Variants in KCNH5 observed in about 807,000 individuals in gnomAD.
The protein encoded by KCNH5 is voltage-gated delayed rectifier potassium channel KCNH5.
KCNH5 carries 46 observed loss-of-function variants against 96.1 expected under a neutral mutation model. The observed-to-expected ratio is 0.48, with a 90% confidence interval of 0.38 to 0.61. The LOEUF (loss-of-function observed/expected upper bound fraction) is 0.61. Ranked by LOEUF, KCNH5 falls within the 20% of genes least tolerant of loss-of-function variation. The pLI, the probability that KCNH5 is intolerant of heterozygous loss-of-function variation, is 0.00. For missense variants in KCNH5, 907 were observed against 1,225.8 expected, an observed-to-expected ratio of 0.74 and a Z score of 3.88; for synonymous variants, 439 against 449.8, an observed-to-expected ratio of 0.98 and a Z score of 0.30.
intron 7 of KCNH5, among the ~76,000 whole-genome samples, chr14:62,868,852 C>A (rs529452835): frequency 6.6e-6 from 1 of 152,292 alleles, no homozygotes; most frequent in African/African-American, 2.4e-5. Flanking sequence ...CATGTCCCTG[C>A]AAAGGACATG....
intron 6 of KCNH5, among the ~76,000 whole-genome samples, chr14:62,964,972 TG>T (rs1890278299): frequency 6.6e-6 from 1 of 152,174 alleles, no homozygotes; most frequent in South Asian, 2.1e-4. Context: ...AACAAATGTC[TG>T]GTGCAATTTC....
chr14:62,949,141 T>C (rs1889951467), intron 7 of KCNH5, among the ~76,000 whole-genome samples: 2 of 152,054 alleles, frequency 1.3e-5, no homozygotes, highest in Admixed American at 6.6e-5. Context: ...TTCAACATAG[T>C]GTTGGAAGTT....
rs200506671 is a variant in KCNH5, at chr14:62,950,163, T to C, written c.1339A>G (p.Met447Val). The change falls in exon 7 of 11, where the codon ATG (methionine) becomes GTG (valine). Residue 447 changes from methionine (M) to valine (V), a missense_variant. Met to Val is a conservative substitution (Grantham distance 21, BLOSUM62 1). Coordinates refer to ENST00000322893, the MANE Select transcript of KCNH5 (RefSeq NM_139318.5). ...NIAPTTDVEK[M>V]FSVAMMMVGS... ...ACCATCATCATAGCCACCGAAAACA[T>C]CTTCTCCACATCTGTGGTAGGAGCT... The C allele has an allele frequency of 8.2e-5, 132 of 1,613,740 alleles. No homozygotes were observed. The highest frequency in any genetic ancestry group is 9.7e-5 in the Non-Finnish European group (115 of 1,179,906).
At chr14:62,851,526 A>G (rs926957122) in intron 7 of KCNH5, among the ~76,000 whole-genome samples, 6 of 150,742 alleles carry the variant, frequency 4.0e-5, no homozygotes, top group East Asian at 1.9e-4. Context: ...CCTAAAGGTA[A>G]TCACAGACTT....
At position 62,987,046 on chromosome 14, in the gene KCNH5, G is replaced by A. The variant is rs777514749; in HGVS notation, c.549+26C>T. 33 of 1,504,254 alleles carry A rather than the reference G, an allele frequency of 2.2e-5. No individual in the cohort carries two copies. In the East Asian group the frequency reaches 4.3e-4, roughly 20 times the overall value. The allele number at this position is 1,504,254 out of a possible 1,614,324, so 93.2% of individuals were successfully genotyped here. On this transcript the variant is annotated intron_variant, in intron 5 of 10. Coordinates refer to ENST00000322893, the MANE Select transcript of KCNH5 (RefSeq NM_139318.5). ...AAAATGTACCAACACCACCATCTTG[G>A]GAAGCAAAATTCATCTCATACTTAC...
chr14:62,938,164 G>T (rs1889720886), intron 7 of KCNH5, among the ~76,000 whole-genome samples: 1 of 152,162 alleles, frequency 6.6e-6, no homozygotes, highest in South Asian at 2.1e-4. Flanking sequence ...TGGTGGGGGG[G>T]TGTTGTTAAA....
At chr14:62,748,984 TG>T (rs1330745144) in intron 10 of KCNH5, among the ~76,000 whole-genome samples, 2 of 152,192 alleles carry the variant, frequency 1.3e-5, no homozygotes, top group African/African-American at 4.8e-5. Context: ...AGCGTATCAA[TG>T]GCAGAAATAT....
chr14:62,794,503 G>C (rs1886499672), intron 9 of KCNH5, among the ~76,000 whole-genome samples: 2 of 151,670 alleles, frequency 1.3e-5, no homozygotes, highest in South Asian at 4.2e-4. Flanking sequence ...AGAACCACTT[G>C]ATATTACAGA....
chr14:62,820,435 C>T (rs1887091982), intron 8 of KCNH5, among the ~76,000 whole-genome samples: 2 of 151,492 alleles, frequency 1.3e-5, no homozygotes, highest in Admixed American at 1.3e-4. Context: ...ATTTCATCAG[C>T]CAGGTATTAA....
intron 10 of KCNH5, among the ~76,000 whole-genome samples, chr14:62,732,967 CT>C (rs1376150620): frequency 6.6e-6 from 1 of 151,790 alleles, no homozygotes; most frequent in Non-Finnish European, 1.5e-5. Context: ...TGTCCCCCTC[CT>C]TCTCTCTCTC....
intron 7 of KCNH5, among the ~76,000 whole-genome samples, chr14:62,889,205 A>T (rs1447495989): frequency 6.6e-6 from 1 of 152,218 alleles, no homozygotes. Flanking sequence ...GAGTTAAAAT[A>T]AAAAGATATA....
At chr14:62,745,640 C>G (rs1481164140) in intron 10 of KCNH5, among the ~76,000 whole-genome samples, 1 of 152,146 alleles carries the variant, frequency 6.6e-6, no homozygotes, top group Non-Finnish European at 1.5e-5. Context: ...GGAGTGACCT[C>G]TCTGGTTGGT....
At chr14:62,832,132 A>T (rs1052322895) in intron 8 of KCNH5, among the ~76,000 whole-genome samples, 8 of 152,340 alleles carry the variant, frequency 5.3e-5, no homozygotes, top group African/African-American at 1.4e-4. Flanking sequence ...TTATTTTTTT[A>T]AATTACAGTA....
chr14:62,734,384 C>T (rs146595487), intron 10 of KCNH5, among the ~76,000 whole-genome samples: 79 of 152,286 alleles, frequency 5.2e-4, no homozygotes, highest in Non-Finnish European at 8.8e-4. Context: ...AACTCTCATG[C>T]CTATGGTTTC....
intron 2 of KCNH5, among the ~76,000 whole-genome samples, chr14:63,015,851 C>T (rs1466303207): frequency 2.0e-5 from 3 of 151,796 alleles, no homozygotes; most frequent in African/African-American, 4.8e-5. Flanking sequence ...AAAAAATTAA[C>T]CTATAAGTGA....
chr14:62,816,093 C>T (rs1886972222), intron 8 of KCNH5, among the ~76,000 whole-genome samples: 1 of 151,592 alleles, frequency 6.6e-6, no homozygotes, highest in African/African-American at 2.4e-5. Flanking sequence ...TGTCTGTGTG[C>T]ATATAGATTT....
intron 8 of KCNH5, among the ~76,000 whole-genome samples, chr14:62,819,585 G>A (rs1887072779): frequency 6.6e-6 from 1 of 152,030 alleles, no homozygotes; most frequent in Non-Finnish European, 1.5e-5. Context: ...CTACTAAATT[G>A]TACATTTTTA....
chr14:62,960,207 TA>T (rs1890180723), intron 6 of KCNH5, among the ~76,000 whole-genome samples: 1 of 152,174 alleles, frequency 6.6e-6, no homozygotes, highest in South Asian at 2.1e-4. Flanking sequence ...ATCCATACTT[TA>T]AATTATAGCT....
intron 7 of KCNH5, among the ~76,000 whole-genome samples, chr14:62,931,111 G>T (rs2140115819): frequency 6.6e-6 from 1 of 152,184 alleles, no homozygotes; most frequent in South Asian, 2.1e-4. Context: ...AGCAGAGGTT[G>T]TATATAACAG....
Sources: allele counts gnomAD v4.1 joint callset (sites outside exome capture counted in the v4.1 genomes callset), GRCh38; gene constraint gnomAD v4.1.1; transcripts MANE v1.5; gene names NCBI Gene and HGNC (gene_info 2026-07-23, HGNC 2026-07-21).